BANP: variants seen among roughly 807,000 people sequenced by gnomAD.
BANP encodes BTG3 associated nuclear protein, also known as protein BANP.
BANP carries 11 observed loss-of-function variants against 68.1 expected under a neutral mutation model. The ratio of observed to expected loss-of-function variants is 0.16; its 90% CI spans 0.10 to 0.27. The LOEUF (loss-of-function observed/expected upper bound fraction) is 0.27, where lower values mean the gene tolerates loss of function less well. Ranked by LOEUF, BANP falls within the 10% of genes least tolerant of loss-of-function variation. BANP has a pLI of 1.00. For synonymous variants in BANP, 329 were observed against 303.2 expected (o/e 1.09, Z -0.88); for missense variants, 504 against 722.7 (o/e 0.70, Z 3.47).
chr16:88,065,135 A>G (rs1298791218), intron 11 of BANP, 132 bp from the exon 12 acceptor site: 6 of 530,970 alleles, frequency 1.1e-5, no homozygotes, highest in Non-Finnish European at 2.0e-5. Flanking sequence ...TGGCTGCCAT[A>G]ACAAACGACC....
rs1491005631 is a variant in BANP at position 87,968,497 on chromosome 16, AAT to A, written c.-68-6549_-68-6548del. ...GAAACTCTGTCTCAAAAAAAAAAAA[AAT>A]AAGTTTAGTTTATCCCTTTAATAAT... On this transcript the variant is annotated intron_variant, in intron 1 of 13. Coordinates refer to ENST00000682872, the MANE Select transcript of BANP (RefSeq NM_001386991.1). 4.3e-3 allele frequency among the ~76,000 whole-genome samples: 654 copies of A among 151,402 alleles called. 17 individuals carry two copies. The highest frequency in any genetic ancestry group is 0.015 in the African/African-American group (608 of 41,286).
At chr16:88,068,446 C>T (rs1240183985) in intron 12 of BANP, among the ~76,000 whole-genome samples, 2 of 152,210 alleles carry the variant, frequency 1.3e-5, no homozygotes, top group East Asian at 3.8e-4. Context: ...AGTTGAGAAA[C>T]GCTGGTTCAG....
intron 4 of BANP, among the ~76,000 whole-genome samples, chr16:87,984,945 C>T (rs1388274972): frequency 6.6e-6 from 1 of 152,236 alleles, no homozygotes; most frequent in Non-Finnish European, 1.5e-5. Flanking sequence ...GGCCTTTTGA[C>T]TGAGCGCTAC....
At chr16:87,964,673 G>A (rs537614749) in intron 1 of BANP, among the ~76,000 whole-genome samples, 8 of 152,306 alleles carry the variant, frequency 5.3e-5, no homozygotes, top group African/African-American at 9.6e-5. Flanking sequence ...GCTCTTTATC[G>A]TGATCACAGC....
At chr16:88,040,926 T>G (rs1271166467) in intron 11 of BANP, among the ~76,000 whole-genome samples, 1 of 152,242 alleles carries the variant, frequency 6.6e-6, no homozygotes, top group Non-Finnish European at 1.5e-5. Flanking sequence ...GTTCCAACTG[T>G]CATTTAGGAA....
chr16:88,024,720 C>G (rs2076651073), intron 7 of BANP, among the ~76,000 whole-genome samples: 2 of 152,236 alleles, frequency 1.3e-5, no homozygotes, highest in African/African-American at 4.8e-5. Context: ...CCTTTGTGGC[C>G]GGCAGGGGGC....
intron 1 of BANP, among the ~76,000 whole-genome samples, chr16:87,970,747 C>T (rs1270046245): frequency 6.6e-6 from 1 of 152,074 alleles, no homozygotes; most frequent in Non-Finnish European, 1.5e-5. Context: ...CGGCCGGGCG[C>T]GGTGGCTCGG....
chr16:88,060,533 T>C (rs1474559732), intron 11 of BANP, among the ~76,000 whole-genome samples: 2 of 152,214 alleles, frequency 1.3e-5, no homozygotes, highest in Non-Finnish European at 2.9e-5. Flanking sequence ...TCACGGTGGA[T>C]TCAAACGTAT....
chr16:88,020,069 A>G (rs1349627501), intron 7 of BANP, among the ~76,000 whole-genome samples: 1 of 152,170 alleles, frequency 6.6e-6, no homozygotes, highest in East Asian at 1.9e-4. Flanking sequence ...AACTCCTGGG[A>G]GACCACACGT....
rs2070430941 is a variant in BANP, at chr16:88,004,643, G to A, written c.479+232G>A. ...GGCAGCTGCCGCCGGGGACTTCTGT[G>A]TCTCGTGCTGGCCGGGGTTGTGGAG... On this transcript the variant is annotated intron_variant, in intron 5 of 13. Transcript: ENST00000682872. The surrounding 1 kb of genome is among the most constrained non-coding windows in gnomAD (Gnocchi z 7.0). Among the ~76,000 whole-genome samples the A allele has an allele frequency of 6.6e-6, 1 of 152,138 alleles. No individual in the cohort carries two copies. Among genetic ancestry groups the A allele is most frequent in the Admixed American group, 6.5e-5 (1 of 15,286 alleles).
At chr16:88,015,798 C>T (rs1206196811) in intron 6 of BANP, among the ~76,000 whole-genome samples, 6 of 152,388 alleles carry the variant, frequency 3.9e-5, no homozygotes, top group South Asian at 2.1e-4. Context: ...TCACTCCATT[C>T]GTGCTCCTTT....
At chr16:88,040,397 C>T (rs1012091106) in intron 11 of BANP, among the ~76,000 whole-genome samples, 1 of 152,172 alleles carries the variant, frequency 6.6e-6, no homozygotes, top group African/African-American at 2.4e-5. Context: ...GCCCACTCGC[C>T]TCGATGTTGT....
In BANP at chr16:88,036,161, G is replaced by A. The variant is rs1349418623; in HGVS notation, c.1272+767G>A. 2.6e-5 allele frequency among the ~76,000 whole-genome samples: 4 copies of A among 152,216 alleles called. No homozygotes were observed. The highest frequency in any genetic ancestry group is 4.8e-5 in the African/African-American group (2 of 41,468). On this transcript the variant is annotated intron_variant, in intron 10 of 13. Transcript: ENST00000682872. The surrounding 1 kb of genome is among the most constrained non-coding windows in gnomAD (Gnocchi z 4.2). The stretch of plus-strand genomic sequence containing the variant: ...GCACAGGGCACTAAGCAGCACACAC[G>A]TGTTGTACTCAGTGACCGTGGTGCG...
At chr16:88,034,383 A>G (rs998168766) in intron 9 of BANP, among the ~76,000 whole-genome samples, 1 of 152,242 alleles carries the variant, frequency 6.6e-6, no homozygotes, top group Non-Finnish European at 1.5e-5. Flanking sequence ...ACTAAGAGAG[A>G]ATTTCAAATA....
intron 6 of BANP, among the ~76,000 whole-genome samples, chr16:88,008,971 G>A (rs746013086): frequency 6.9e-4 from 105 of 152,340 alleles, no homozygotes; most frequent in Non-Finnish European, 1.1e-3. Context: ...CAGTGGGGTC[G>A]GTGTTATGAA....
rs571818461 is a variant in BANP at position 88,005,535 on chromosome 16, G to A, written c.480-555G>A. Among the ~76,000 whole-genome samples, 5 of 152,344 alleles carry A rather than the reference G, an allele frequency of 3.3e-5. No homozygotes were observed. The South Asian group carries it at 1.0e-3, about 32-fold the overall frequency. On this transcript the variant is annotated intron_variant, in intron 5 of 13. Transcript: ENST00000682872. ...GGCCTCGCCCTGCTTTGCTAGCAGTGTTCTGTCCTTCCACATCAGCAGCCC... is the reference window on the plus strand; with the variant it reads ...GGCCTCGCCCTGCTTTGCTAGCAGTATTCTGTCCTTCCACATCAGCAGCCC...
rs1393161756 is a variant in BANP, at chr16:88,026,257, T to C, written c.896-1226T>C. Among the ~76,000 whole-genome samples the C allele has an allele frequency of 2.6e-5, 4 of 152,130 alleles. No homozygotes were observed. In the East Asian group the frequency reaches 5.8e-4, roughly 22 times the overall value. On this transcript the variant is annotated intron_variant, in intron 7 of 13. Coordinates refer to ENST00000682872, the MANE Select transcript of BANP (RefSeq NM_001386991.1). ...CACAGTGAGAGTAGGTTGTGCCCAC[T>C]CGGCTTGTGGTATAGGGACTCCAGG...
chr16:88,029,306 CAAAAA>C (rs59989652), intron 8 of BANP, among the ~76,000 whole-genome samples: 6 of 55,772 alleles, frequency 1.1e-4, no homozygotes, highest in East Asian at 4.9e-4. Context: ...GACTGTATCT[CAAAAA>C]AAAAAAAAAA....
intron 1 of BANP, among the ~76,000 whole-genome samples, chr16:87,963,879 G>A (rs990187053): frequency 6.6e-6 from 1 of 152,148 alleles, no homozygotes; most frequent in Non-Finnish European, 1.5e-5. Flanking sequence ...AGTTACAGTG[G>A]GTTTCCTTTT....
Sources: gnomAD v4.1 joint callset for allele counts (sites outside exome capture counted in the v4.1 genomes callset) on GRCh38, gnomAD v4.1.1 for gene constraint, Gnocchi (gnomAD v3.1) non-coding constraint, MANE v1.5 for transcripts, NCBI Gene and HGNC (gene_info 2026-07-23, HGNC 2026-07-21) for gene names.